The following STXBP5L variants were observed in gnomAD, a reference collection of about 807,000 sequenced individuals.
STXBP5L encodes syntaxin-binding protein 5-like.
A neutral mutation model predicts 144.5 loss-of-function variants in STXBP5L; 65 were observed. The ratio of observed to expected loss-of-function variants is 0.45; its 90% CI spans 0.37 to 0.55. The LOEUF (loss-of-function observed/expected upper bound fraction) is 0.55, where lower values mean the gene tolerates loss of function less well. Among genes scored for constraint, STXBP5L ranks in the 20% least tolerant of loss-of-function variants. The probability of loss-of-function intolerance (pLI) is 0.00; values close to 1 mark genes in which losing one functional copy is unlikely to be tolerated. For synonymous variants in STXBP5L, 505 were observed against 469.6 expected (o/e 1.08, Z -0.97); for missense variants, 1,298 against 1,405.5 (o/e 0.92, Z 1.22).
intron 22 of STXBP5L, among the ~76,000 whole-genome samples, chr3:121,391,911 T>A (rs571025474): frequency 1.3e-5 from 2 of 152,200 alleles, no homozygotes; most frequent in African/African-American, 4.8e-5. Context: ...TCAAACACCA[T>A]GCTGGGAGAA....
intron 3 of STXBP5L, among the ~76,000 whole-genome samples, chr3:120,973,000 T>C (rs1238297727): frequency 2.0e-5 from 3 of 152,076 alleles, no homozygotes; most frequent in Non-Finnish European, 4.4e-5. Context: ...TTTTTGCAAC[T>C]CTGTTCATCA....
At chr3:121,035,743 T>C (rs1268520564) in intron 3 of STXBP5L, among the ~76,000 whole-genome samples, 1 of 152,134 alleles carries the variant, frequency 6.6e-6, no homozygotes, top group African/African-American at 2.4e-5. Flanking sequence ...CTGTGAAAAA[T>C]GACATTAGTA....
intron 20 of STXBP5L, among the ~76,000 whole-genome samples, chr3:121,370,833 G>A (rs974524918): frequency 6.6e-6 from 1 of 152,148 alleles, no homozygotes; most frequent in African/African-American, 2.4e-5. Context: ...TGAAATTCTT[G>A]TAGAGTGTTT....
intron 3 of STXBP5L, among the ~76,000 whole-genome samples, chr3:120,975,587 A>C (rs532336574): frequency 5.5e-4 from 83 of 152,266 alleles, no homozygotes; most frequent in African/African-American, 1.9e-3. Context: ...TATGTTGAAT[A>C]GGAGTGGTGA....
rs555967211 is a variant in STXBP5L, at chr3:121,387,159, T to A, written c.2587+5627T>A. On this transcript the variant is annotated intron_variant, in intron 22 of 26. Transcript: ENST00000471454. Reference sequence around the variant, plus strand: ...TTTGAATTTCTCTCATGACCAGTGATGATGAGCATTTTTTCATGTGTCTGT... The same window carrying A: ...TTTGAATTTCTCTCATGACCAGTGAAGATGAGCATTTTTTCATGTGTCTGT... Among the ~76,000 whole-genome samples, 47 of 152,364 alleles carry A rather than the reference T, an allele frequency of 3.1e-4. No individual in the cohort carries two copies. The East Asian group carries it at 6.5e-3, about 21-fold the overall frequency.
chr3:121,193,543 C>G (rs1480689380), intron 9 of STXBP5L, among the ~76,000 whole-genome samples: 1 of 152,102 alleles, frequency 6.6e-6, no homozygotes, highest in Non-Finnish European at 1.5e-5. Flanking sequence ...TGTGGCACTA[C>G]TCACAATAGC....
chr3:120,921,833 T>TAGCA (rs1248110545), intron 2 of STXBP5L, among the ~76,000 whole-genome samples: 1 of 152,122 alleles, frequency 6.6e-6, no homozygotes, highest in Non-Finnish European at 1.5e-5. Flanking sequence ...TGTATCTTTG[T>TAGCA]TTATGCCAGT....
At chr3:121,139,709 A>G (rs1346163350) in intron 7 of STXBP5L, among the ~76,000 whole-genome samples, 1 of 152,116 alleles carries the variant, frequency 6.6e-6, no homozygotes, top group Non-Finnish European at 1.5e-5. Flanking sequence ...TACATATTCT[A>G]TTGCAACCAG....
At chr3:121,362,688 G>A (rs2045746800) in intron 20 of STXBP5L, among the ~76,000 whole-genome samples, 1 of 152,114 alleles carries the variant, frequency 6.6e-6, no homozygotes, top group Non-Finnish European at 1.5e-5. Flanking sequence ...TCATGTCCTG[G>A]AATCAGGGAC....
chr3:121,000,278 A>T (rs1018302625), intron 3 of STXBP5L, among the ~76,000 whole-genome samples: 1 of 152,122 alleles, frequency 6.6e-6, no homozygotes, highest in South Asian at 2.1e-4. Context: ...TAAAAATTCC[A>T]TATATCTTAT....
chr3:121,084,014 G>A (rs1356292236), intron 5 of STXBP5L, among the ~76,000 whole-genome samples: 4 of 151,524 alleles, frequency 2.6e-5, no homozygotes, highest in African/African-American at 9.7e-5. Flanking sequence ...TCTATTTTAT[G>A]TAACTTTTCA....
intron 22 of STXBP5L, among the ~76,000 whole-genome samples, chr3:121,402,771 T>A (rs2046910538): frequency 6.6e-6 from 1 of 152,172 alleles, no homozygotes; most frequent in Non-Finnish European, 1.5e-5. Context: ...CCTGCACTCC[T>A]GGACAACAAT....
chr3:121,276,975 G>C (rs2050905405), intron 18 of STXBP5L, among the ~76,000 whole-genome samples: 1 of 151,818 alleles, frequency 6.6e-6, no homozygotes. Context: ...CAATTATGGA[G>C]TTTTGTTTTT....
chr3:120,944,878 A>G (rs1316993106), intron 2 of STXBP5L, among the ~76,000 whole-genome samples: 1 of 151,796 alleles, frequency 6.6e-6, no homozygotes, highest in Non-Finnish European at 1.5e-5. Flanking sequence ...GTGACCCAAG[A>G]TGACATCAGA....
intron 9 of STXBP5L, among the ~76,000 whole-genome samples, chr3:121,176,685 A>G (rs964282759): frequency 2.9e-4 from 44 of 151,860 alleles, no homozygotes; most frequent in African/African-American, 9.7e-4. Context: ...AAAAGACAAA[A>G]TCATCTCAAA....
At chr3:121,343,476 C>A (rs2044816238) in intron 20 of STXBP5L, among the ~76,000 whole-genome samples, 1 of 152,154 alleles carries the variant, frequency 6.6e-6, no homozygotes, top group South Asian at 2.1e-4. Flanking sequence ...TTGCAGATGA[C>A]ATGACTGTAT....
chr3:121,144,942 G>A (rs1460692297), intron 7 of STXBP5L, among the ~76,000 whole-genome samples: 1 of 151,858 alleles, frequency 6.6e-6, no homozygotes, highest in South Asian at 2.1e-4. Flanking sequence ...CTTATATCAG[G>A]TATCTAAAAT....
rs186471209 is a variant in STXBP5L, at chr3:121,163,275, C to T, written c.877+5648C>T. Among the ~76,000 whole-genome samples the T allele has an allele frequency of 3.2e-3, 483 of 152,254 alleles. 2 individuals carry two copies. Among genetic ancestry groups the T allele is most frequent in the Non-Finnish European group, 5.0e-3 (340 of 68,020 alleles). ...AATGAGTTCATGTCCTTTGTAGGGA[C>T]ATGGATGAAGCTGGAAACCATCATT... is the stretch of plus-strand genomic sequence containing the variant. On this transcript the variant is annotated intron_variant, in intron 9 of 26. Coordinates refer to ENST00000471454, the MANE Select transcript of STXBP5L (RefSeq NM_001308330.2).
chr3:121,190,160 C>T (rs897685571), intron 9 of STXBP5L, among the ~76,000 whole-genome samples: 8 of 152,036 alleles, frequency 5.3e-5, no homozygotes, highest in Non-Finnish European at 1.0e-4. Context: ...AGCGGATAAA[C>T]ATGTGAACAA....
Sources: allele counts gnomAD v4.1 joint callset (sites outside exome capture counted in the v4.1 genomes callset), GRCh38; gene constraint gnomAD v4.1.1; transcripts MANE v1.5; gene names NCBI Gene and HGNC (gene_info 2026-07-23, HGNC 2026-07-21).